GLB1L3: variants seen among roughly 807,000 people sequenced by gnomAD.
GLB1L3 encodes beta-galactosidase-1-like protein 3.
Under a neutral mutation model 89.5 loss-of-function variants are expected in GLB1L3, and 89 were observed. That is an observed-to-expected ratio of 0.99 (90% confidence interval 0.84 to 1.19). GLB1L3 has a LOEUF of 1.19. Among genes scored for constraint, GLB1L3 ranks in the 50% most tolerant of loss-of-function variants. GLB1L3 has a pLI of 0.00. For synonymous variants in GLB1L3, 314 were observed against 312.3 expected (o/e 1.01, Z -0.06); for missense variants, 812 against 813.3 (o/e 1.00, Z 0.02).
chr11:134,284,702 C>A (rs543284623), intron 6 of GLB1L3, among the ~76,000 whole-genome samples: 161 of 152,130 alleles, frequency 1.1e-3, no homozygotes, highest in African/African-American at 3.8e-3. Context: ...ACACTCCAGC[C>A]TGGGCAACAG....
At chr11:134,308,562 CCACCACCACCAT>C (rs1942517397) in intron 10 of GLB1L3, among the ~76,000 whole-genome samples, 2 of 136,092 alleles carry the variant, frequency 1.5e-5, no homozygotes, top group African/African-American at 5.5e-5. Context: ...ACCATCACCA[CCACCACCACCAT>C]CACCATCACC....
At chr11:134,302,000 G>A (rs2136181148) in intron 9 of GLB1L3, among the ~76,000 whole-genome samples, 1 of 152,046 alleles carries the variant, frequency 6.6e-6, no homozygotes, top group South Asian at 2.1e-4. Context: ...TATGTTTAAT[G>A]CCTTCTTATC....
intron 13 of GLB1L3, chr11:134,311,735 A>C (rs1942742194): frequency 6.5e-6 from 1 of 152,692 alleles, no homozygotes. Context: ...ATTTAATGAA[A>C]TAAACATTTG....
intron 7 of GLB1L3, 57 bp downstream of exon 7, chr11:134,288,947 T>C: frequency 8.3e-7 from 1 of 1,211,472 alleles, no homozygotes; most frequent in Non-Finnish European, 1.2e-6. Context: ...CTCTGTGCGT[T>C]TCTGATTCCT....
At chr11:134,277,492 A>C in intron 2 of GLB1L3, 41 bp downstream of exon 2, 1 of 1,602,492 alleles carries the variant, frequency 6.2e-7, no homozygotes, top group Non-Finnish European at 8.5e-7. Flanking sequence ...GAGGGGAGCG[A>C]TCTCTCCTTT....
Position 134,310,665 on chromosome 11 carries a change from A to G in GLB1L3, c.1180+14A>G, listed in dbSNP as rs1197839186. ...AATCTGTCTCAGGTACTCAGCACCC[A>G]TTTAACTTACGGGCCAGCCCTCCTC... On this transcript the variant is annotated intron_variant, in intron 12 of 19. Coordinates refer to ENST00000431683, the MANE Select transcript of GLB1L3 (RefSeq NM_001080407.3). 3 of 1,600,780 alleles carry G rather than the reference A, an allele frequency of 1.9e-6. No homozygotes were observed. Among genetic ancestry groups the G allele is most frequent in the East Asian group, 2.2e-5 (1 of 44,810 alleles).
rs370699018 is a variant in GLB1L3, at chr11:134,314,376, C to G, written c.1714C>G (p.Pro572Ala). The G allele has an allele frequency of 4.1e-5, 64 of 1,551,544 alleles. No homozygotes were observed. The highest frequency in any genetic ancestry group is 5.4e-5 in the Non-Finnish European group (62 of 1,146,944). Residue 572 changes from proline to alanine, a missense_variant, in exon 18 of 20, where the codon CCG becomes GCG. Physicochemically the swap from Pro to Ala is conservative, Grantham distance 27. Coordinates refer to ENST00000431683, the MANE Select transcript of GLB1L3 (RefSeq NM_001080407.3). The part of the protein sequence containing the change: ...WKPVPDSHQG[P>A]AFYCGTLKAG... ...GCCTGTCCCAGACAGCCACCAGGGC[C>G]CGGCCTTCTACTGTGGGACCTTGAA...
chr11:134,298,648 CACTTTT>C (rs536960238), intron 9 of GLB1L3, among the ~76,000 whole-genome samples: 187 of 152,218 alleles, frequency 1.2e-3, no homozygotes, highest in African/African-American at 4.2e-3. Flanking sequence ...CAGGGGTTTC[CACTTTT>C]ACTTCTTTTT....
At chr11:134,296,687 T>C (rs1361274665) in intron 9 of GLB1L3, among the ~76,000 whole-genome samples, 1 of 107,794 alleles carries the variant, frequency 9.3e-6, no homozygotes, top group Admixed American at 1.4e-4. Flanking sequence ...CTCTGGGGAC[T>C]GTTGTGGGGT....
Position 134,307,080 on chromosome 11 carries a change from T to C in GLB1L3, c.877-44T>C, listed in dbSNP as rs540583178. 2.0e-4 allele frequency: 297 copies of C among 1,475,898 alleles called. 4 individuals are homozygous for C. The South Asian group carries it at 2.4e-3, about 12-fold the overall frequency. The allele number at this position is 1,475,898 out of a possible 1,614,324, so 91.4% of individuals were successfully genotyped here. A position where few individuals can be genotyped will look rare whatever the true frequency, so the allele number is the denominator to read the frequency against. ...CATTCAGGTTTTCTGATTTTTCTTTTTTGTTTTTTGCCAGACTTAGTATTT... is the reference window on the plus strand; with the variant it reads ...CATTCAGGTTTTCTGATTTTTCTTTCTTGTTTTTTGCCAGACTTAGTATTT... On this transcript the variant is annotated intron_variant, in intron 9 of 19. Transcript: ENST00000431683.
rs545689780 is a variant in GLB1L3, at chr11:134,279,386, A to G, written c.362+1474A>G. Among the ~76,000 whole-genome samples, 9 of 64,602 alleles carry G rather than the reference A, an allele frequency of 1.4e-4. No homozygotes were observed. In the East Asian group the frequency reaches 3.7e-3, roughly 26 times the overall value. The allele number at this position is 64,602 out of a possible 152,430, so 42.4% of individuals were successfully genotyped here. ...TTTCTTTTTTTTTTTTTTTTTTTTG[A>G]GATAGAGTCTTGCTCTGTTGCCCAG... On this transcript the variant is annotated intron_variant, in intron 3 of 19. Coordinates refer to ENST00000431683, the MANE Select transcript of GLB1L3 (RefSeq NM_001080407.3).
At chr11:134,304,156 C>T (rs1349177327) in intron 9 of GLB1L3, among the ~76,000 whole-genome samples, 1 of 152,114 alleles carries the variant, frequency 6.6e-6, no homozygotes, top group Non-Finnish European at 1.5e-5. Flanking sequence ...CCTGGAATTC[C>T]AGCTAAATTC....
At chr11:134,310,490 TG>T in intron 11 of GLB1L3, 80 bp from the exon 12 acceptor site, 1 of 1,056,770 alleles carries the variant, frequency 9.5e-7, no homozygotes, top group Non-Finnish European at 1.4e-6. Context: ...ACGGTGGCCC[TG>T]GCCATCTCCT....
At chr11:134,288,295 C>A (rs1275721929) in intron 6 of GLB1L3, among the ~76,000 whole-genome samples, 1 of 152,134 alleles carries the variant, frequency 6.6e-6, no homozygotes, top group Non-Finnish European at 1.5e-5. Context: ...ATTCCTGGGC[C>A]TCTGCCCCCA....
chr11:134,301,972 T>G (rs1172491098), intron 9 of GLB1L3, among the ~76,000 whole-genome samples: 1 of 144,890 alleles, frequency 6.9e-6, no homozygotes, highest in Non-Finnish European at 1.5e-5. Flanking sequence ...CTTTGATTAT[T>G]AATTCATGAC....
At chr11:134,286,584 G>A (rs966594948) in intron 6 of GLB1L3, among the ~76,000 whole-genome samples, 3 of 151,956 alleles carry the variant, frequency 2.0e-5, no homozygotes, top group African/African-American at 7.3e-5. Context: ...AGACCATCTT[G>A]GCTAACACGG....
At chr11:134,287,160 C>G (rs1941060432) in intron 6 of GLB1L3, 1 of 151,784 alleles carries the variant, frequency 6.6e-6, no homozygotes, top group South Asian at 2.1e-4. Context: ...GACTCCGTCT[C>G]GAAAAAAAAC....
At chr11:134,296,534 C>T (rs1376928966) in intron 9 of GLB1L3, among the ~76,000 whole-genome samples, 1 of 143,034 alleles carries the variant, frequency 7.0e-6, no homozygotes, top group African/African-American at 2.6e-5. Context: ...GAGTTCATGT[C>T]CTTTGTAGGG....
rs764125105 is a variant in GLB1L3, at chr11:134,292,144, A to G, written c.742A>G (p.Arg248Gly). Residue 248 changes from arginine to glycine, a missense_variant, in exon 8 of 20, where the codon AGA becomes GGA. Around this residue, in one of 3 missense-constraint regions of GLB1L3, gnomAD observed 618 missense variants for 604.0 expected, o/e 1.02. Coordinates refer to ENST00000431683, the MANE Select transcript of GLB1L3 (RefSeq NM_001080407.3). ...MPYLHKALLRRGIVELLLTSD... is the reference protein window; with the variant it reads ...MPYLHKALLRGGIVELLLTSD... ...ATTTTCTCAACAGGCCCTGCTGAGA[A>G]GAGGGATTGTGGAGCTTCTCTTGAC... is the stretch of plus-strand genomic sequence containing the variant. The G allele has an allele frequency of 9.0e-5, 145 of 1,613,388 alleles. 1 individual carries two copies. The highest frequency in any genetic ancestry group is 1.2e-4 in the Non-Finnish European group (138 of 1,179,522).
Sources: allele counts gnomAD v4.1 joint callset (sites outside exome capture counted in the v4.1 genomes callset), GRCh38; gene constraint gnomAD v4.1.1; regional missense constraint gnomAD v4.1.1; transcripts MANE v1.5; gene names NCBI Gene and HGNC (gene_info 2026-07-23, HGNC 2026-07-21).